Variants in DBF4B observed in about 807,000 individuals in gnomAD.
DBF4B encodes DBF4B-CDC7 kinase regulatory subunit, also known as protein DBF4 homolog B.
Under a neutral mutation model 53.4 loss-of-function variants are expected in DBF4B, and 49 were observed. The ratio of observed to expected loss-of-function variants is 0.92; its 90% CI spans 0.73 to 1.16. The LOEUF is 1.16. Ranked by LOEUF, DBF4B falls within the 50% of genes most tolerant of loss-of-function variation. The pLI is 0.00. For synonymous variants in DBF4B, 257 were observed against 288.7 expected, an observed-to-expected ratio of 0.89 and a Z score of 1.11; for missense variants, 692 against 775.0, an observed-to-expected ratio of 0.89 and a Z score of 1.27.
At chr17:44,738,533 A>C in intron 9 of DBF4B, 109 bp downstream of exon 9, 3 of 1,127,606 alleles carry the variant, frequency 2.7e-6, no homozygotes, top group Non-Finnish European at 3.7e-6. Flanking sequence ...GGAGCCCCTT[A>C]ACCCTGCACC....
In DBF4B at chr17:44,741,388, CT is replaced by C; in HGVS notation, c.768del (p.Gly257AspfsTer131). ...QFKSFPEISF[L>X]GPKDASPFEA... is the part of the protein sequence containing the mutation. Reference sequence around the variant, plus strand: ...TAAATCCTTTCCTGAAATTTCTTTTCTTGGACCCAAAGATGCAAGTCCCTTT... The same window carrying C: ...TAAATCCTTTCCTGAAATTTCTTTTCTGGACCCAAAGATGCAAGTCCCTTT... On this transcript the variant is annotated frameshift_variant, in exon 10 of 14. Transcript: ENST00000315005. LOFTEE classifies it high-confidence loss of function. 1.2e-6 allele frequency: 2 copies of C among 1,613,772 alleles called. No individual in the cohort carries two copies. Among genetic ancestry groups the C allele is most frequent in the Non-Finnish European group, 1.7e-6 (2 of 1,179,774 alleles).
At chr17:44,718,184 C>T (rs1212121312) in intron 2 of DBF4B, among the ~76,000 whole-genome samples, 1 of 152,098 alleles carries the variant, frequency 6.6e-6, no homozygotes, top group East Asian at 1.9e-4. Flanking sequence ...GTAATCCCAG[C>T]ACTTTGGGAG....
Position 44,749,973 on chromosome 17 carries a change from C to T in DBF4B, c.1190-622C>T. Reference sequence around the variant, plus strand: ...GCTGCACCACTCACAGAGCTCCCTCCCCCAGGCACTTAGTTGGGGCCCAGC... The same window carrying T: ...GCTGCACCACTCACAGAGCTCCCTCTCCCAGGCACTTAGTTGGGGCCCAGC... On this transcript the variant is annotated intron_variant, in intron 13 of 13. Coordinates refer to ENST00000315005, the MANE Select transcript of DBF4B (RefSeq NM_145663.3). The surrounding 1 kb of genome is among the most constrained non-coding windows in gnomAD (Gnocchi z 4.4). 1 of 1,005,940 alleles carries T rather than the reference C, an allele frequency of 9.9e-7. No homozygotes were observed. Among genetic ancestry groups the T allele is most frequent in the South Asian group, 4.3e-5 (1 of 23,526 alleles). The allele number at this position is 1,005,940 out of a possible 1,614,324, so 62.3% of individuals were successfully genotyped here.
At chr17:44,727,090 C>T (rs1281592622) in intron 3 of DBF4B, among the ~76,000 whole-genome samples, 9 of 98,600 alleles carry the variant, frequency 9.1e-5, no homozygotes, top group Non-Finnish European at 1.3e-4. Context: ...CAAAGCAAGA[C>T]TCCATCTCAA....
chr17:44,711,694 A>T (rs984273337), intron 2 of DBF4B, among the ~76,000 whole-genome samples: 17 of 151,972 alleles, frequency 1.1e-4, no homozygotes, highest in Non-Finnish European at 2.5e-4. Context: ...GACACCTGTA[A>T]TCCCAGCACT....
At chr17:44,721,224 C>CA (rs1033988909) in intron 2 of DBF4B, among the ~76,000 whole-genome samples, 3 of 134,018 alleles carry the variant, frequency 2.2e-5, no homozygotes, top group African/African-American at 6.0e-5. Flanking sequence ...CTTCCCCCCC[C>CA]CTCCCCTTTT....
chr17:44,732,328 CT>C, intron 6 of DBF4B, 63 bp downstream of exon 6: 1 of 1,547,392 alleles, frequency 6.5e-7, no homozygotes, highest in Non-Finnish European at 8.9e-7. Flanking sequence ...GGAGTGTCAG[CT>C]TTTAGAAGGA....
chr17:44,721,223 C>T (rs551194732), intron 2 of DBF4B, among the ~76,000 whole-genome samples: 2 of 129,294 alleles, frequency 1.5e-5, no homozygotes, highest in East Asian at 2.2e-4. Flanking sequence ...TCTTCCCCCC[C>T]CCTCCCCTTT....
chr17:44,723,292 A>T (rs1974015026), intron 3 of DBF4B, among the ~76,000 whole-genome samples: 1 of 152,094 alleles, frequency 6.6e-6, no homozygotes, highest in African/African-American at 2.4e-5. Flanking sequence ...ATTTTAGTAG[A>T]GATGGGGTTT....
In DBF4B at chr17:44,720,221, A is replaced by G. The variant is rs192624333; in HGVS notation, c.83-2659A>G. The G allele has an allele frequency of 1.5e-3, 537 of 357,098 alleles. 6 individuals are homozygous for G. The highest frequency in any genetic ancestry group is 2.2e-3 in the Non-Finnish European group (404 of 186,320). 22.1% of individuals were successfully genotyped at this position (357,098 alleles called of 1,614,324 possible). A position where few individuals can be genotyped will look rare whatever the true frequency, so the allele number is the denominator to read the frequency against. ...TGCTGACTGAAGGGTTTCTTTTGCCATGGCTCAACAGCTTTAGAGGCACAT... is the reference window on the plus strand; with the variant it reads ...TGCTGACTGAAGGGTTTCTTTTGCCGTGGCTCAACAGCTTTAGAGGCACAT... On this transcript the variant is annotated intron_variant, in intron 2 of 13. Transcript: ENST00000315005.
At chr17:44,725,684 C>CTTCT (rs777349094) in intron 3 of DBF4B, among the ~76,000 whole-genome samples, 2 of 87,646 alleles carry the variant, frequency 2.3e-5, no homozygotes, top group African/African-American at 9.6e-5. Flanking sequence ...TTTTGTGCTT[C>CTTCT]TTTTTTTTTT....
intron 3 of DBF4B, among the ~76,000 whole-genome samples, chr17:44,729,679 C>CAT (rs1974653193): frequency 7.9e-6 from 1 of 127,378 alleles, no homozygotes; most frequent in Non-Finnish European, 1.7e-5. Flanking sequence ...ACCTGTAATA[C>CAT]ACATACACAC....
At position 44,749,768 on chromosome 17, in the gene DBF4B, T is replaced by C. The variant is rs946900508; in HGVS notation, c.1190-827T>C. 9.1e-7 allele frequency: 1 copy of C among 1,104,360 alleles called. No homozygotes were observed. The highest frequency in any genetic ancestry group is 4.3e-5 in the Admixed American group (1 of 23,426). The allele number at this position is 1,104,360 out of a possible 1,614,324, so 68.4% of individuals were successfully genotyped here. Reference sequence around the variant, plus strand: ...GGCTTCCTGGCCCTCCACAGGCCCTTGCCTCTCTGCAGAGCCGCGGGTTAG... The same window carrying C: ...GGCTTCCTGGCCCTCCACAGGCCCTCGCCTCTCTGCAGAGCCGCGGGTTAG... On this transcript the variant is annotated intron_variant, in intron 13 of 13. Transcript: ENST00000315005. The surrounding 1 kb of genome is among the most constrained non-coding windows in gnomAD (Gnocchi z 4.4).
intron 2 of DBF4B, among the ~76,000 whole-genome samples, chr17:44,713,375 G>A (rs938381797): frequency 6.6e-6 from 1 of 150,860 alleles, no homozygotes; most frequent in Non-Finnish European, 1.5e-5. Flanking sequence ...TTATTCGGCC[G>A]GGCGCGGTGG....
At chr17:44,719,803 G>T in intron 2 of DBF4B, 2 of 232,124 alleles carry the variant, frequency 8.6e-6, no homozygotes, top group South Asian at 8.6e-5. Context: ...CGTTAGGGCA[G>T]ACACAGATCA....
At chr17:44,750,081 GCTGC>G in intron 13 of DBF4B, 1 of 998,410 alleles carries the variant, frequency 1.0e-6, no homozygotes, top group Non-Finnish European at 1.2e-6. Flanking sequence ...CTCAGCTTGA[GCTGC>G]CTGCCCGAAG....
At chr17:44,743,930 G>C (rs1440132960) in intron 10 of DBF4B, among the ~76,000 whole-genome samples, 2 of 151,790 alleles carry the variant, frequency 1.3e-5, no homozygotes, top group African/African-American at 4.8e-5. Flanking sequence ...TATGTAAGAA[G>C]AGGGAACGAA....
rs770876462 is a variant in DBF4B at position 44,723,772 on chromosome 17, GATAA to G, written c.225+759_225+762del. ...AGACTCTGTATAAAAAAAAAAAAAT[GATAA>G]ATAAATAACCTTCAAAAAATAAAGA... On this transcript the variant is annotated intron_variant, in intron 3 of 13. Transcript: ENST00000315005. 7.9e-5 allele frequency among the ~76,000 whole-genome samples: 12 copies of G among 151,404 alleles called. No individual in the cohort carries two copies. In the East Asian group the frequency reaches 1.6e-3, roughly 20 times the overall value.
At chr17:44,727,306 C>A (rs954859478) in intron 3 of DBF4B, among the ~76,000 whole-genome samples, 13 of 151,692 alleles carry the variant, frequency 8.6e-5, no homozygotes, top group African/African-American at 3.2e-4. Flanking sequence ...GTAGTCCCAG[C>A]TACTCGGGAG....
Sources: gnomAD v4.1 joint callset for allele counts (sites outside exome capture counted in the v4.1 genomes callset) on GRCh38, gnomAD v4.1.1 for gene constraint, Gnocchi (gnomAD v3.1) non-coding constraint, MANE v1.5 for transcripts, NCBI Gene and HGNC (gene_info 2026-07-23, HGNC 2026-07-21) for gene names.